The following FILIP1L variants were observed in gnomAD, a reference collection of about 807,000 sequenced individuals.
FILIP1L encodes filamin A-interacting protein 1-like.
FILIP1L carries 55 observed loss-of-function variants against 96.6 expected under a neutral mutation model. The observed-to-expected ratio is 0.57, with a 90% confidence interval of 0.46 to 0.71. The LOEUF (loss-of-function observed/expected upper bound fraction) is 0.71, where lower values mean the gene tolerates loss of function less well. Among genes scored for constraint, FILIP1L ranks in the 30% least tolerant of loss-of-function variants. The pLI, the probability that FILIP1L is intolerant of heterozygous loss-of-function variation, is 0.00. For missense variants in FILIP1L, 1,304 were observed against 1,321.2 expected, an observed-to-expected ratio of 0.99 and a Z score of 0.20; for synonymous variants, 467 against 473.9, an observed-to-expected ratio of 0.99 and a Z score of 0.19.
intron 5 of FILIP1L, chr3:99,848,069 G>C: frequency 7.6e-7 from 1 of 1,310,030 alleles, no homozygotes; most frequent in Non-Finnish European, 9.7e-7. Context: ...TTCCATACAA[G>C]TATGTAAATG....
chr3:100,085,580 C>T (rs1359503179), intron 1 of FILIP1L, among the ~76,000 whole-genome samples: 5 of 152,182 alleles, frequency 3.3e-5, no homozygotes, highest in Non-Finnish European at 5.9e-5. Flanking sequence ...TTTCATCCTT[C>T]ATCTCAGCAT....
chr3:99,980,270 C>G (rs183636850), intron 1 of FILIP1L, among the ~76,000 whole-genome samples: 2 of 152,110 alleles, frequency 1.3e-5, no homozygotes, highest in South Asian at 2.1e-4. Flanking sequence ...ACTAATCTTA[C>G]CTCTGTGACT....
At chr3:100,067,123 C>A (rs529885423) in intron 1 of FILIP1L, among the ~76,000 whole-genome samples, 2 of 152,262 alleles carry the variant, frequency 1.3e-5, no homozygotes, top group Admixed American at 1.3e-4. Context: ...ACCTAGAATA[C>A]AGGAGTTTTG....
intron 1 of FILIP1L, among the ~76,000 whole-genome samples, chr3:100,056,686 G>A (rs966151463): frequency 6.6e-6 from 1 of 151,246 alleles, no homozygotes; most frequent in Non-Finnish European, 1.5e-5. Flanking sequence ...CAACCAGGTA[G>A]CAGCTCTAGA....
intron 1 of FILIP1L, among the ~76,000 whole-genome samples, chr3:99,939,215 G>A (rs1056759260): frequency 9.2e-5 from 14 of 152,168 alleles, no homozygotes; most frequent in African/African-American, 3.4e-4. Flanking sequence ...CAGGCACTTA[G>A]TATTTTCCAT....
chr3:100,000,552 T>C (rs1559720559), intron 1 of FILIP1L, among the ~76,000 whole-genome samples: 2 of 152,178 alleles, frequency 1.3e-5, no homozygotes, highest in Non-Finnish European at 2.9e-5. Flanking sequence ...ACAATACTCC[T>C]AAAAGTGAAA....
At chr3:99,983,392 A>ATGTATATATG (rs1314015302) in intron 1 of FILIP1L, among the ~76,000 whole-genome samples, 1 of 22,656 alleles carries the variant, frequency 4.4e-5, no homozygotes, top group Non-Finnish European at 1.3e-4. Flanking sequence ...ATAAATAAAT[A>ATGTATATATG]TATATATATA....
chr3:100,052,805 T>C (rs1348986168), intron 1 of FILIP1L, among the ~76,000 whole-genome samples: 4 of 152,234 alleles, frequency 2.6e-5, no homozygotes, highest in African/African-American at 9.6e-5. Flanking sequence ...CTGGATATGA[T>C]ACAAGATAAA....
chr3:100,037,265 A>G (rs2065123284), intron 1 of FILIP1L, among the ~76,000 whole-genome samples: 1 of 152,152 alleles, frequency 6.6e-6, no homozygotes, highest in African/African-American at 2.4e-5. Context: ...GATGTCTGCA[A>G]CTTACTCAGA....
intron 1 of FILIP1L, among the ~76,000 whole-genome samples, chr3:99,950,376 A>G (rs1416439354): frequency 6.6e-6 from 1 of 152,172 alleles, no homozygotes; most frequent in South Asian, 2.1e-4. Context: ...TCTTATTTCT[A>G]TGGGTAGGGA....
chr3:100,013,049 GT>G (rs1318445452), intron 1 of FILIP1L, among the ~76,000 whole-genome samples: 1 of 151,426 alleles, frequency 6.6e-6, no homozygotes, highest in Non-Finnish European at 1.5e-5. Flanking sequence ...TTGTTTGTTT[GT>G]TTTGTTTGGA....
At position 99,830,612 on chromosome 3, in the gene FILIP1L, T is replaced by A; in HGVS notation, c.3382-7A>T. ...GCTTGCATACCTCCTTGATCTTGAATTAAACAAGAGAACAAAAGGTAATTA... is the reference window on the plus strand; with the variant it reads ...GCTTGCATACCTCCTTGATCTTGAAATAAACAAGAGAACAAAAGGTAATTA... On this transcript the variant is annotated splice_region_variant and splice_polypyrimidine_tract_variant and intron_variant, in intron 5 of 5. Transcript: ENST00000477258. 1 of 456,494 alleles carries A rather than the reference T, an allele frequency of 2.2e-6. No homozygotes were observed. 28.3% of individuals were successfully genotyped at this position (456,494 alleles called of 1,614,324 possible). A position where few individuals can be genotyped will look rare whatever the true frequency, so the allele number is the denominator to read the frequency against.
chr3:99,942,036 G>A (rs536912020), intron 1 of FILIP1L, among the ~76,000 whole-genome samples: 19 of 152,228 alleles, frequency 1.2e-4, no homozygotes, highest in African/African-American at 4.6e-4. Context: ...CTAACACGGT[G>A]AAACTGTATC....
rs755586670 is a variant in FILIP1L at position 99,930,025 on chromosome 3, C to G, written c.257G>C (p.Arg86Pro). The G allele has an allele frequency of 1.2e-6, 2 of 1,604,102 alleles. No individual in the cohort carries two copies. Among genetic ancestry groups the G allele is most frequent in the African/African-American group, 1.3e-5 (1 of 74,242 alleles). ...LSILEGELQARDEVIGILKAE... is the reference protein window; with the variant it reads ...LSILEGELQAPDEVIGILKAE... ...CTTTAAAATGCCTATGACCTCATCT[C>G]GAGCCTGTAGGAACAAAAAGTATTT... Residue 86 changes from arginine (R) to proline (P), a missense_variant, in exon 3 of 6, where the codon CGA becomes CCA. By Grantham distance (103) the Arg-to-Pro change is moderately radical (BLOSUM62 -2). Coordinates refer to ENST00000477258, the MANE Select transcript of FILIP1L (RefSeq NM_001387850.1).
chr3:100,101,598 G>A (rs879409138), intron 1 of FILIP1L, among the ~76,000 whole-genome samples: 2 of 151,980 alleles, frequency 1.3e-5, no homozygotes, highest in Admixed American at 6.6e-5. Flanking sequence ...ACACAGGAGG[G>A]GTTGGGATGT....
chr3:100,051,320 T>C (rs1333216787), intron 1 of FILIP1L: 1 of 152,028 alleles, frequency 6.6e-6, no homozygotes, highest in Non-Finnish European at 1.5e-5. Flanking sequence ...AATAATTTTA[T>C]TTCAAAATTT....
At chr3:99,942,462 G>T (rs1257191467) in intron 1 of FILIP1L, among the ~76,000 whole-genome samples, 1 of 152,294 alleles carries the variant, frequency 6.6e-6, no homozygotes, top group Middle Eastern at 3.4e-3. Context: ...TCTACATTTT[G>T]TATATTTGGA....
At chr3:100,051,301 A>G (rs1168081752) in intron 1 of FILIP1L, 1 of 152,032 alleles carries the variant, frequency 6.6e-6, no homozygotes, top group African/African-American at 2.4e-5. Flanking sequence ...GAAGACTGAA[A>G]GAGTAGTAAA....
At position 99,850,834 on chromosome 3, in the gene FILIP1L, A is replaced by G. The variant is rs766990305; in HGVS notation, c.842T>C (p.Val281Ala). 1 of 1,613,002 alleles carries G rather than the reference A, an allele frequency of 6.2e-7. No individual in the cohort carries two copies. Among genetic ancestry groups the G allele is most frequent in the Non-Finnish European group, 8.5e-7 (1 of 1,179,666 alleles). ...HTKLALAEARVQEEEQKATRL... is the reference protein window; with the variant it reads ...HTKLALAEARAQEEEQKATRL... ...GGTTGCCTTCTGCTCTTCCTCCTGA[A>G]CTCTGGCTTCAGCAAGGGCTAGTTT... Residue 281 changes from valine to alanine, a missense_variant, in exon 5 of 6, where the codon GTT becomes GCT. Val to Ala is a moderately conservative substitution (Grantham distance 64, BLOSUM62 0). Transcript: ENST00000477258.
Sources: gnomAD v4.1 joint callset for allele counts (sites outside exome capture counted in the v4.1 genomes callset) on GRCh38, gnomAD v4.1.1 for gene constraint, MANE v1.5 for transcripts, NCBI Gene and HGNC (gene_info 2026-07-23, HGNC 2026-07-21) for gene names.